Variants in PLAC1 observed in about 807,000 individuals in gnomAD.
PLAC1 encodes placenta-specific protein 1.
For missense variants in PLAC1, 136 were observed against 163.2 expected, an observed-to-expected ratio of 0.83 and a Z score of 0.91; for synonymous variants, 68 against 62.1, an observed-to-expected ratio of 1.09 and a Z score of -0.44.
At chrX:134,661,975 A>C (rs1399241694), upstream of PLAC1, among the ~76,000 whole-genome samples, 1 of 112,572 alleles carries the variant, frequency 8.9e-6, no homozygotes, top group Non-Finnish European at 1.9e-5. Context: ...GTGGTGGCTC[A>C]TGCCTGTAAT....
intron 2 of PLAC1, among the ~76,000 whole-genome samples, chrX:134,689,344 C>T (rs147444617): frequency 2.1e-3 from 232 of 112,440 alleles, no homozygotes; most frequent in African/African-American, 7.3e-3. Context: ...TACTTCAAAA[C>T]ATAACTGCTC....
At chrX:134,725,196 T>A (rs1344833995) in intron 2 of PLAC1, among the ~76,000 whole-genome samples, 1 of 111,603 alleles carries the variant, frequency 9.0e-6, no homozygotes, top group East Asian at 2.8e-4. Flanking sequence ...ATGTAAGCTA[T>A]TATCATGAAT....
chrX:134,753,819 A>G (rs1201694683), intron 1 of PLAC1, among the ~76,000 whole-genome samples: 4 of 111,929 alleles, frequency 3.6e-5, no homozygotes, highest in African/African-American at 1.3e-4. Flanking sequence ...ACTCAGATCC[A>G]CACTGACATC....
chrX:134,732,341 C>A (rs1448502420), intron 2 of PLAC1, among the ~76,000 whole-genome samples: 1 of 111,600 alleles, frequency 9.0e-6, no homozygotes, highest in African/African-American at 3.3e-5. Flanking sequence ...TTATGACTGC[C>A]CAGCCGGTAC....
At chrX:134,724,153 G>T (rs779725641) in intron 2 of PLAC1, among the ~76,000 whole-genome samples, 1 of 112,092 alleles carries the variant, frequency 8.9e-6, no homozygotes, top group African/African-American at 3.2e-5. Context: ...TCCTAGATTG[G>T]CTTCTGGAAC....
chrX:134,641,851 C>T (rs2078309089), intron 1 of PLAC1, among the ~76,000 whole-genome samples: 1 of 112,172 alleles, frequency 8.9e-6, no homozygotes, highest in African/African-American at 3.2e-5. Flanking sequence ...AGTTCACATT[C>T]TCGAAACACC....
intron 2 of PLAC1, among the ~76,000 whole-genome samples, chrX:134,669,493 A>G (rs941716456): frequency 8.9e-6 from 1 of 112,388 alleles, no homozygotes; most frequent in African/African-American, 3.2e-5. Context: ...CTCTAGAGTG[A>G]GAAATGCTGT....
chrX:134,668,756 A>G (rs1211933276), intron 2 of PLAC1, among the ~76,000 whole-genome samples: 1 of 112,534 alleles, frequency 8.9e-6, no homozygotes, highest in African/African-American at 3.2e-5. Context: ...ACCGGGAAAG[A>G]CTTCCTTCTG....
intron 1 of PLAC1, among the ~76,000 whole-genome samples, chrX:134,609,291 C>T (rs1477501683): frequency 9.0e-6 from 1 of 111,238 alleles, no homozygotes; most frequent in Admixed American, 9.6e-5. Flanking sequence ...TCTTCATTAG[C>T]ACCACATAAC....
intron 2 of PLAC1, among the ~76,000 whole-genome samples, chrX:134,713,983 G>T (rs765815838): frequency 8.9e-6 from 1 of 112,203 alleles, no homozygotes; most frequent in South Asian, 3.7e-4. Flanking sequence ...GCCCCTTGTA[G>T]CCTGGAAGGA....
At chrX:134,581,774 C>G (rs904150643) in intron 2 of PLAC1, among the ~76,000 whole-genome samples, 1 of 110,912 alleles carries the variant, frequency 9.0e-6, no homozygotes, top group Non-Finnish European at 1.9e-5. Context: ...CCACCGAGCC[C>G]GGCCCAGTTT....
intron 1 of PLAC1, among the ~76,000 whole-genome samples, chrX:134,644,404 T>C (rs1237170977): frequency 1.8e-5 from 2 of 111,356 alleles, no homozygotes; most frequent in African/African-American, 6.5e-5. Flanking sequence ...TCTTCTTGAC[T>C]TCCATTTTTC....
At chrX:134,753,349 G>A (rs900821137) in intron 1 of PLAC1, among the ~76,000 whole-genome samples, 8 of 111,344 alleles carry the variant, frequency 7.2e-5, no homozygotes, top group African/African-American at 9.8e-5. Flanking sequence ...ATGAAAGAGC[G>A]GGATCATGTA....
chrX:134,666,126 C>G (rs757201936), intron 2 of PLAC1, among the ~76,000 whole-genome samples: 16 of 111,559 alleles, frequency 1.4e-4, no homozygotes, highest in Admixed American at 2.9e-4. Flanking sequence ...GGTATCAAAG[C>G]TCGTCTCCTT....
At chrX:134,602,015 C>T (rs1054935910) in intron 2 of PLAC1, 36 bp downstream of exon 2, 1 of 112,358 alleles carries the variant, frequency 8.9e-6, no homozygotes, top group African/African-American at 3.2e-5. Flanking sequence ...TGTTGGTTAT[C>T]AGAGAAGGGG....
chrX:134,617,704 T>C (rs1305188604), intron 1 of PLAC1, among the ~76,000 whole-genome samples: 1 of 112,119 alleles, frequency 8.9e-6, no homozygotes, highest in East Asian at 2.8e-4. Context: ...TATAATCTTT[T>C]TGATGCATTG....
intron 2 of PLAC1, among the ~76,000 whole-genome samples, chrX:134,570,792 T>C (rs1189036152): frequency 8.9e-6 from 1 of 111,967 alleles, no homozygotes; most frequent in African/African-American, 3.2e-5. Context: ...TTTTTGTAAA[T>C]GGAGTTTATG....
intron 1 of PLAC1, among the ~76,000 whole-genome samples, chrX:134,636,784 G>A (rs925322890): frequency 3.6e-5 from 4 of 112,148 alleles, no homozygotes; most frequent in Non-Finnish European, 5.6e-5. Context: ...TGACCTCCCA[G>A]CTCATTTGGC....
At chrX:134,680,213 G>A (rs1039775559) in intron 2 of PLAC1, among the ~76,000 whole-genome samples, 23 of 111,929 alleles carry the variant, frequency 2.1e-4, no homozygotes, top group African/African-American at 7.2e-4. Flanking sequence ...TTGTTTAATT[G>A]TCACAACGAC....
Sources: allele counts gnomAD v4.1 joint callset (sites outside exome capture counted in the v4.1 genomes callset), GRCh38; gene constraint gnomAD v4.1.1; transcripts MANE v1.5; gene names NCBI Gene and HGNC (gene_info 2026-07-23, HGNC 2026-07-21).